FRMPD1: variants seen among roughly 807,000 people sequenced by gnomAD.
FRMPD1 encodes the protein FERM and PDZ domain containing 1.
In FRMPD1, 76 loss-of-function variants were observed where a neutral mutation model predicts 117.8. The observed-to-expected ratio is 0.65, with a 90% CI of 0.54 to 0.78. FRMPD1 has a LOEUF of 0.78. Ranked by LOEUF, FRMPD1 falls within the 30% of genes least tolerant of loss-of-function variation. The pLI is 0.00. For missense variants in FRMPD1, 1,786 were observed against 1,964.5 expected, an observed-to-expected ratio of 0.91 and a Z score of 1.72; for synonymous variants, 783 against 770.4, an observed-to-expected ratio of 1.02 and a Z score of -0.27.
chr9:37,729,561 G>A (rs556709525), intron 7 of FRMPD1, among the ~76,000 whole-genome samples, 167 bp from the exon 8 acceptor site: 1 of 152,216 alleles, frequency 6.6e-6, no homozygotes, highest in African/African-American at 2.4e-5. Context: ...AGCTGTGGCT[G>A]CAGGGCCGTA....
intron 1 of FRMPD1, among the ~76,000 whole-genome samples, chr9:37,673,885 T>G (rs1180113656): frequency 2.0e-5 from 3 of 152,248 alleles, no homozygotes; most frequent in Admixed American, 6.5e-5. Context: ...AGGGGCACCC[T>G]GTGCCTGGCC....
chr9:37,605,086 T>A, the FRMPD1 span, among the ~76,000 whole-genome samples: 1 of 152,250 alleles, frequency 6.6e-6, no homozygotes, highest in Non-Finnish European at 1.5e-5. Context: ...GTCGTTGCTG[T>A]TAGTCACCGT....
the FRMPD1 span, among the ~76,000 whole-genome samples, chr9:37,629,484 G>A: frequency 4.6e-5 from 7 of 152,124 alleles, 2 homozygotes; most frequent in South Asian, 1.0e-3. Flanking sequence ...CCCAACCTTC[G>A]CTTCCTCCAG....
chr9:37,692,609 C>A, intron 1 of FRMPD1, 29 bp from the exon 2 acceptor site: 2 of 1,390,228 alleles, frequency 1.4e-6, no homozygotes, highest in Non-Finnish European at 2.1e-6. Context: ...TTTTGGTTAG[C>A]ATCTTAAGAA....
the FRMPD1 span, among the ~76,000 whole-genome samples, chr9:37,623,053 G>A: frequency 1.3e-5 from 2 of 152,160 alleles, no homozygotes; most frequent in East Asian, 1.9e-4. Flanking sequence ...CAAATATGCA[G>A]ATCTCATATA....
chr9:37,731,328 T>G (rs930624269), intron 9 of FRMPD1, among the ~76,000 whole-genome samples: 1 of 152,222 alleles, frequency 6.6e-6, no homozygotes, highest in Non-Finnish European at 1.5e-5. Context: ...CAGTCCTCAA[T>G]GTAGATGATA....
chr9:37,746,007 G>A lies in FRMPD1; in HGVS notation c.3975G>A (p.Val1325=). 2 of 1,614,214 alleles carry A rather than the reference G, an allele frequency of 1.2e-6. No homozygotes were observed. The highest frequency in any genetic ancestry group is 1.3e-5 in the African/African-American group (1 of 75,070). The part of the protein sequence containing the change: ...SLGFAGMNEM[V]APRIGMDQCS... ...GTTTTGCAGGCATGAATGAGATGGT[G>A]GCTCCCAGGATAGGGATGGACCAGT... Residue 1325 remains valine (V), a synonymous_variant, in exon 16 of 16, where the codon GTG becomes GTA. Coordinates refer to ENST00000377765, the MANE Select transcript of FRMPD1 (RefSeq NM_014907.3).
intron 1 of FRMPD1, among the ~76,000 whole-genome samples, chr9:37,689,453 AAT>A (rs1475879608): frequency 6.6e-6 from 1 of 152,120 alleles, no homozygotes; most frequent in Non-Finnish European, 1.5e-5. Context: ...CTCTCAGTGA[AAT>A]TTTCTACACA....
At chr9:37,612,191 G>A in the FRMPD1 span, among the ~76,000 whole-genome samples, 1 of 152,112 alleles carries the variant, frequency 6.6e-6, no homozygotes, top group Admixed American at 6.5e-5. Flanking sequence ...TGTTAGCACT[G>A]TTTCCGGTCT....
rs1163424964 is a variant in FRMPD1, at chr9:37,744,836, A to G, written c.2804A>G (p.Asp935Gly). The G allele has an allele frequency of 6.2e-7, 1 of 1,613,752 alleles. No homozygotes were observed. The highest frequency in any genetic ancestry group is 8.5e-7 in the Non-Finnish European group (1 of 1,179,930). Reference protein sequence around the residue: ...PETMETKSVIDSRVSSISAIR... With the variant: ...PETMETKSVIGSRVSSISAIR... The stretch of plus-strand genomic sequence containing the variant: ...ACCATGGAAACCAAATCAGTCATCG[A>G]CTCTCGAGTGTCTTCTATTTCTGCC... The change falls in exon 16 of 16, where the codon GAC (aspartate) becomes GGC (glycine). Residue 935 changes from aspartate (D) to glycine (G), a missense_variant. Transcript: ENST00000377765.
chr9:37,718,983 T>C, intron 5 of FRMPD1, 86 bp from the exon 6 acceptor site: 1 of 785,562 alleles, frequency 1.3e-6, no homozygotes, highest in African/African-American at 1.7e-5. Context: ...GCTATCAAAG[T>C]TTCTGTTTTT....
intron 1 of FRMPD1, among the ~76,000 whole-genome samples, chr9:37,664,306 T>G (rs573869375): frequency 1.6e-4 from 21 of 134,010 alleles, no homozygotes; most frequent in African/African-American, 5.9e-4. Context: ...TGTATGTATG[T>G]ATTTATTTAT....
At position 37,744,785 on chromosome 9, in the gene FRMPD1, C is replaced by G. The variant is rs775705088; in HGVS notation, c.2753C>G (p.Ser918Cys). The G allele has an allele frequency of 6.2e-7, 1 of 1,614,178 alleles. No individual in the cohort carries two copies. The highest frequency in any genetic ancestry group is 1.3e-5 in the African/African-American group (1 of 75,058). Reference sequence around the variant, plus strand: ...GAGACCAAGAGCACAAACCCAGCCTCCAGGGTCATGGAGATGGAGCCCGAG... The same window carrying G: ...GAGACCAAGAGCACAAACCCAGCCTGCAGGGTCATGGAGATGGAGCCCGAG... Reference protein sequence around the residue: ...LRETKSTNPASRVMEMEPETM... With the variant: ...LRETKSTNPACRVMEMEPETM... Residue 918 changes from serine (S) to cysteine (C), a missense_variant, in exon 16 of 16, where the codon TCC (serine) becomes TGC (cysteine). Coordinates refer to ENST00000377765, the MANE Select transcript of FRMPD1 (RefSeq NM_014907.3).
In FRMPD1 at chr9:37,715,531, G is replaced by A. The variant is rs942966; in HGVS notation, c.409-3538G>A. On this transcript the variant is annotated intron_variant, in intron 5 of 15. Transcript: ENST00000377765. ...TTTAAACATTAACTCTTAGTTCAGC[G>A]AAAAACATGCACAAAGAGATTTTAT... 663 of 420,818 alleles carry A rather than the reference G, an allele frequency of 1.6e-3. 4 individuals carry two copies. Among genetic ancestry groups the A allele is most frequent in the African/African-American group, 0.012 (590 of 48,674 alleles). The allele number at this position is 420,818 out of a possible 1,614,324, so 26.1% of individuals were successfully genotyped here.
chr9:37,613,766 C>G, the FRMPD1 span, among the ~76,000 whole-genome samples: 1 of 152,164 alleles, frequency 6.6e-6, no homozygotes, highest in African/African-American at 2.4e-5. Context: ...TCTGGAAAGC[C>G]TCTTCTGTAC....
chr9:37,661,874 C>T (rs2119387791), intron 1 of FRMPD1: 1 of 152,580 alleles, frequency 6.6e-6, no homozygotes, highest in South Asian at 2.1e-4. Flanking sequence ...TGACCAAAGA[C>T]CAGTCCTCCT....
chr9:37,616,409 GC>G, the FRMPD1 span, among the ~76,000 whole-genome samples: 27 of 152,214 alleles, frequency 1.8e-4, no homozygotes, highest in Non-Finnish European at 3.5e-4. Flanking sequence ...GAGCCACTGC[GC>G]CCGGCCCACA....
At position 37,740,746 on chromosome 9, in the gene FRMPD1, C is replaced by T. The variant is rs373012166; in HGVS notation, c.2218C>T (p.Gln740Ter). ...QGGAPPAWGQ[Q>*]GWTEAQPSSM... ...GGGAGCCCCGCCAGCCTGGGGTCAG[C>T]AGGGCTGGACTGAGGCCCAGCCCAG... Residue 740 changes from glutamine to a stop codon, truncating the protein, a stop_gained, in exon 15 of 16, where the codon CAG becomes TAG. Transcript: ENST00000377765. LOFTEE classifies it high-confidence loss of function. This position sits in a 1 kb window ranked among gnomAD's most constrained non-coding sequence, Gnocchi z 4.2. 51 of 1,614,062 alleles carry T rather than the reference C, an allele frequency of 3.2e-5. No individual in the cohort carries two copies. The highest frequency in any genetic ancestry group is 4.2e-5 in the Non-Finnish European group (50 of 1,180,016).
At position 37,744,977 on chromosome 9, in the gene FRMPD1, C is replaced by T. The variant is rs373183598; in HGVS notation, c.2945C>T (p.Ala982Val). Residue 982 changes from alanine to valine, a missense_variant, in exon 16 of 16, where the codon GCT (alanine) becomes GTT (valine). Physicochemically the swap from Ala to Val is moderately conservative, Grantham distance 64. Coordinates refer to ENST00000377765, the MANE Select transcript of FRMPD1 (RefSeq NM_014907.3). ...CCAGGTTCATCTGGCCCAGATACTG[C>T]TCAGGCAAGGCCTTCCCAAATCTTA... ...SNPGSSGPDT[A>V]QARPSQILPL... 1.2e-6 allele frequency: 2 copies of T among 1,614,092 alleles called. No individual in the cohort carries two copies. The highest frequency in any genetic ancestry group is 1.3e-5 in the African/African-American group (1 of 74,938).
Sources: gnomAD v4.1 joint callset for allele counts (sites outside exome capture counted in the v4.1 genomes callset) on GRCh38, gnomAD v4.1.1 for gene constraint, Gnocchi (gnomAD v3.1) non-coding constraint, MANE v1.5 for transcripts, NCBI Gene and HGNC (gene_info 2026-07-23, HGNC 2026-07-21) for gene names.